Variants in CNTNAP3B observed in about 807,000 individuals in gnomAD.
CNTNAP3B encodes the protein contactin associated protein family member 3B.
A neutral mutation model predicts 108.9 loss-of-function variants in CNTNAP3B; 25 were observed. That is an observed-to-expected ratio of 0.23 (90% CI 0.17 to 0.32). CNTNAP3B has a LOEUF of 0.32. Ranked by LOEUF, CNTNAP3B falls within the 10% of genes least tolerant of loss-of-function variation. CNTNAP3B has a pLI of 1.00. For synonymous variants in CNTNAP3B, 103 were observed against 473.4 expected (o/e 0.22, Z 10.16); for missense variants, 252 against 1,210.4 (o/e 0.21, Z 11.75).
At chr9:41,941,833 C>T (rs1824354153) in intron 13 of CNTNAP3B, among the ~76,000 whole-genome samples, 1 of 151,420 alleles carries the variant, frequency 6.6e-6, no homozygotes, top group Non-Finnish European at 1.5e-5. Flanking sequence ...GGGGGATACG[C>T]CTTAGAGGGT....
chr9:41,990,924 C>T (rs1022212516), intron 8 of CNTNAP3B, among the ~76,000 whole-genome samples: 4 of 139,394 alleles, frequency 2.9e-5, no homozygotes, highest in Non-Finnish European at 6.2e-5. Flanking sequence ...GATGTGAGGG[C>T]CTGTGTGTGG....
intron 9 of CNTNAP3B, chr9:41,979,836 G>A (rs1424097981): frequency 1.6e-5 from 2 of 121,838 alleles, no homozygotes; most frequent in Non-Finnish European, 3.2e-5. Flanking sequence ...TGATCCGCCG[G>A]CCTCAGCCTC....
At chr9:41,930,317 C>A (rs946216143) in intron 14 of CNTNAP3B, among the ~76,000 whole-genome samples, 2 of 152,284 alleles carry the variant, frequency 1.3e-5, no homozygotes, top group East Asian at 1.9e-4. Flanking sequence ...CTGGGGTGGG[C>A]AGATTGCTTG....
At chr9:42,111,128 C>T (rs1336307207) in intron 1 of CNTNAP3B, among the ~76,000 whole-genome samples, 2 of 138,528 alleles carry the variant, frequency 1.4e-5, no homozygotes, top group Non-Finnish European at 3.1e-5. Context: ...AATGTCATGC[C>T]TGTCCTACTG....
chr9:41,929,913 C>G (rs1200138961), intron 14 of CNTNAP3B, among the ~76,000 whole-genome samples: 5 of 151,998 alleles, frequency 3.3e-5, no homozygotes, highest in African/African-American at 4.8e-5. Flanking sequence ...AATTCCTGAC[C>G]CGTTTGCCAA....
At position 42,126,939 on chromosome 9, in the gene CNTNAP3B, T is replaced by A. The variant is rs1316362961; in HGVS notation, c.85+2071A>T. On this transcript the variant is annotated intron_variant, in intron 1 of 23. Coordinates refer to ENST00000377561, the MANE Select transcript of CNTNAP3B (RefSeq NM_001201380.3). ...AGGCTGCCTTCGTGGGTGGCCAATGTGCTTCTGGAAAACCAGCTGTGAATA... is the reference window on the plus strand; with the variant it reads ...AGGCTGCCTTCGTGGGTGGCCAATGAGCTTCTGGAAAACCAGCTGTGAATA... 1.5e-4 allele frequency among the ~76,000 whole-genome samples: 21 copies of A among 138,594 alleles called. 5 individuals are homozygous for A. The highest frequency in any genetic ancestry group is 6.0e-4 in the African/African-American group (21 of 34,794). The allele number at this position is 138,594 out of a possible 152,430, so 90.9% of individuals were successfully genotyped here.
rs893965170 is a variant in CNTNAP3B, at chr9:42,047,247, A to G, written c.390+29622T>C. 3.0e-5 allele frequency among the ~76,000 whole-genome samples: 3 copies of G among 100,470 alleles called. 1 individual carries two copies. The highest frequency in any genetic ancestry group is 1.3e-4 in the African/African-American group (3 of 22,926). The allele number at this position is 100,470 out of a possible 152,430, so 65.9% of individuals were successfully genotyped here. ...TAACTTAAAAAGTTTTGCTGTTTTTATAAAGGACAATCAGACTTCTCCGTA... is the reference window on the plus strand; with the variant it reads ...TAACTTAAAAAGTTTTGCTGTTTTTGTAAAGGACAATCAGACTTCTCCGTA... On this transcript the variant is annotated intron_variant, in intron 3 of 23. Transcript: ENST00000377561.
intron 13 of CNTNAP3B, among the ~76,000 whole-genome samples, chr9:41,939,794 A>G (rs1824278315): frequency 6.6e-6 from 1 of 152,242 alleles, no homozygotes; most frequent in Admixed American, 6.5e-5. Flanking sequence ...AACAGTAACA[A>G]AAAGATGTAA....
chr9:42,095,928 G>A lies in CNTNAP3B; in HGVS notation c.196+8701C>T, dbSNP rs558023353. 5.8e-3 allele frequency among the ~76,000 whole-genome samples: 799 copies of A among 138,714 alleles called. 185 individuals are homozygous for A. The highest frequency in any genetic ancestry group is 0.022 in the African/African-American group (775 of 34,882). The allele number at this position is 138,714 out of a possible 152,430, so 91.0% of individuals were successfully genotyped here. On this transcript the variant is annotated intron_variant, in intron 2 of 23. Transcript: ENST00000377561. ...TCCTCAGGGATGGCGACCTGCTGCC[G>A]ACGGAGCCAAGTCCTCCCATCCCAG... is the stretch of plus-strand genomic sequence containing the variant.
chr9:42,129,159 C>T lies in CNTNAP3B; in HGVS notation c.-65G>A. Reference sequence around the variant, plus strand: ...ACGGCCGCTCTGCGTCGTTCCTGCTCTCACTCCCGCTCTCACTCCCGTCCC... The same window carrying T: ...ACGGCCGCTCTGCGTCGTTCCTGCTTTCACTCCCGCTCTCACTCCCGTCCC... On this transcript the variant is annotated 5_prime_UTR_variant, in exon 1 of 24. Coordinates refer to ENST00000377561, the MANE Select transcript of CNTNAP3B (RefSeq NM_001201380.3). 6.7e-7 allele frequency: 1 copy of T among 1,501,452 alleles called. No individual in the cohort carries two copies. The highest frequency in any genetic ancestry group is 8.9e-7 in the Non-Finnish European group (1 of 1,117,762). 93.0% of individuals were successfully genotyped at this position (1,501,452 alleles called of 1,614,324 possible).
intron 9 of CNTNAP3B, among the ~76,000 whole-genome samples, chr9:41,972,770 G>A (rs1289215872): frequency 7.4e-6 from 1 of 135,480 alleles, no homozygotes; most frequent in East Asian, 2.3e-4. Context: ...AGTGAACTTT[G>A]TATAATTCTA....
intron 1 of CNTNAP3B, among the ~76,000 whole-genome samples, chr9:42,117,251 C>T (rs1564199818): frequency 7.5e-6 from 1 of 133,574 alleles, no homozygotes; most frequent in African/African-American, 3.1e-5. Context: ...CACACTTACT[C>T]CAAAATTGAC....
chr9:41,961,963 G>A (rs549917471), intron 11 of CNTNAP3B, among the ~76,000 whole-genome samples: 947 of 152,050 alleles, frequency 6.2e-3, no homozygotes, highest in Non-Finnish European at 9.9e-3. Context: ...ATGTCTGGTA[G>A]GATTCACTCA....
chr9:41,942,268 G>A (rs2118089057), intron 13 of CNTNAP3B, among the ~76,000 whole-genome samples: 1 of 152,380 alleles, frequency 6.6e-6, no homozygotes, highest in African/African-American at 2.4e-5. Flanking sequence ...GAGGTCAGGA[G>A]ATCGAGACCA....
intron 2 of CNTNAP3B, among the ~76,000 whole-genome samples, chr9:42,091,879 G>C (rs1827819986): frequency 1.0e-5 from 1 of 96,110 alleles, no homozygotes; most frequent in Non-Finnish European, 2.2e-5. Flanking sequence ...TAAATAGGAA[G>C]ATACATGGAA....
At chr9:42,117,657 GC>G (rs1357506833) in intron 1 of CNTNAP3B, among the ~76,000 whole-genome samples, 1 of 135,762 alleles carries the variant, frequency 7.4e-6, no homozygotes, top group African/African-American at 3.0e-5. Context: ...CTAGCAGAAG[GC>G]AAGAAATAAC....
At chr9:42,030,821 A>AGAGACAGAGAG (rs1826511340) in intron 3 of CNTNAP3B, among the ~76,000 whole-genome samples, 1 of 121,074 alleles carries the variant, frequency 8.3e-6, no homozygotes, top group South Asian at 2.7e-4. Context: ...GAGGAGAGAG[A>AGAGACAGAGAG]GAGAGAGAGA....
At chr9:41,912,029 TA>T (rs1478302445) in intron 18 of CNTNAP3B, among the ~76,000 whole-genome samples, 1 of 11,228 alleles carries the variant, frequency 8.9e-5, no homozygotes, top group Admixed American at 8.4e-4. Flanking sequence ...ATTTTAATAT[TA>T]TTAAGGCATT....
chr9:42,068,051 C>G (rs57831397), intron 3 of CNTNAP3B, among the ~76,000 whole-genome samples: 59,898 of 137,094 alleles, frequency 0.44, 17,694 homozygotes, highest in East Asian at 0.72. Flanking sequence ...AGCAGTAAAA[C>G]AGAGGATACT....
Sources: gnomAD v4.1 joint callset for allele counts (sites outside exome capture counted in the v4.1 genomes callset) on GRCh38, gnomAD v4.1.1 for gene constraint, MANE v1.5 for transcripts, NCBI Gene and HGNC (gene_info 2026-07-23, HGNC 2026-07-21) for gene names.